LPCAT3: variants seen among roughly 807,000 people sequenced by gnomAD.
LPCAT3 encodes the protein lysophosphatidylcholine acyltransferase 3.
In LPCAT3, 21 loss-of-function variants were observed where a neutral mutation model predicts 63.4. That is an observed-to-expected ratio of 0.33 (90% CI 0.23 to 0.48). LPCAT3 has a LOEUF of 0.48. Ranked by LOEUF, LPCAT3 falls within the 20% of genes least tolerant of loss-of-function variation. The probability of loss-of-function intolerance (pLI) is 0.99; values close to 1 mark genes in which losing one functional copy is unlikely to be tolerated. For synonymous variants in LPCAT3, 242 were observed against 227.5 expected (o/e 1.06, Z -0.58); for missense variants, 451 against 590.6 (o/e 0.76, Z 2.45).
intron 1 of LPCAT3, among the ~76,000 whole-genome samples, chr12:7,009,007 C>A (rs1055582331): frequency 2.0e-5 from 3 of 152,134 alleles, no homozygotes; most frequent in Admixed American, 6.5e-5. Flanking sequence ...ATCTGTCAGG[C>A]CTACAAATGG....
At chr12:6,999,916 C>CTTTTTTTTTTTTTTTTTTTTTTTTTTTTT (rs782553121) in intron 1 of LPCAT3, among the ~76,000 whole-genome samples, 1 of 114,534 alleles carries the variant, frequency 8.7e-6, no homozygotes, top group African/African-American at 3.3e-5. Flanking sequence ...TACTTACATT[C>CTTTTTTTTTTTTTTTTTTTTTTTTTTTTT]TTTTTTTTTT....
chr12:6,983,589 C>G, intron 1 of LPCAT3, 50 bp from the exon 2 acceptor site: 1 of 1,250,206 alleles, frequency 8.0e-7, no homozygotes, highest in Non-Finnish European at 1.2e-6. Flanking sequence ...TGGTGCCATC[C>G]CAGTTTGGTT....
intron 6 of LPCAT3, 129 bp downstream of exon 6, chr12:6,980,875 C>T: frequency 1.2e-6 from 1 of 860,084 alleles, no homozygotes; most frequent in Non-Finnish European, 1.7e-6. Flanking sequence ...GTGCCTGTTA[C>T]AACAGTCCAG....
Position 7,017,784 on chromosome 12 carries a change from A to G in LPCAT3, c.151+490T>C, listed in dbSNP as rs1054004937. Among the ~76,000 whole-genome samples the G allele has an allele frequency of 1.3e-5, 2 of 152,262 alleles. No individual in the cohort carries two copies. Among genetic ancestry groups the G allele is most frequent in the East Asian group, 1.9e-4 (1 of 5,204 alleles). ...ACTGGGACAGAAAAGAGACGAAAGT[A>G]TAATATAAGCTGGCAATAAGCAAAA... On this transcript the variant is annotated intron_variant, in intron 1 of 12. Transcript: ENST00000261407. The surrounding 1 kb of genome is among the most constrained non-coding windows in gnomAD (Gnocchi z 4.1).
chr12:6,977,477 T>C lies in LPCAT3; in HGVS notation c.1237A>G (p.Ile413Val). 6.2e-7 allele frequency: 1 copy of C among 1,614,170 alleles called. No individual in the cohort carries two copies. Among genetic ancestry groups the C allele is most frequent in the Admixed American group, 1.7e-5 (1 of 60,024 alleles). The change falls in exon 11 of 13, where the codon ATT (isoleucine) becomes GTT (valine). Residue 413 changes from isoleucine (I) to valine (V), a missense_variant. Ile to Val is a conservative substitution (Grantham distance 29). Transcript: ENST00000261407. The surrounding 1 kb of genome is among the most constrained non-coding windows in gnomAD (Gnocchi z 4.5). The part of the protein sequence containing the change: ...ESPTLSKLAA[I>V]TVLQPFYYLV... ...TAGTAGAAGGGCTGGAGGACAGTAA[T>C]GGCGGCCAGCTTGCTCAGGGTGGGG...
chr12:7,003,572 C>T (rs1453062785), intron 1 of LPCAT3, among the ~76,000 whole-genome samples: 1 of 152,086 alleles, frequency 6.6e-6, no homozygotes, highest in Non-Finnish European at 1.5e-5. Flanking sequence ...GTTTCATAAG[C>T]CATTTTTCCC....
chr12:6,989,878 G>A (rs1365967706), intron 1 of LPCAT3, among the ~76,000 whole-genome samples: 1 of 152,122 alleles, frequency 6.6e-6, no homozygotes, highest in Non-Finnish European at 1.5e-5. Flanking sequence ...TTTCCATTAA[G>A]TCTGGTAAAT....
Position 6,987,020 on chromosome 12 carries a change from G to T in LPCAT3, c.152-3481C>A, listed in dbSNP as rs868988097. Among the ~76,000 whole-genome samples, 1 of 151,956 alleles carries T rather than the reference G, an allele frequency of 6.6e-6. No individual in the cohort carries two copies. The highest frequency in any genetic ancestry group is 6.6e-5 in the Admixed American group (1 of 15,236). ...CCCACCTACTTGGGAAGCTGAGGCA[G>T]GAGAATTGCTTGAACCCAGGAGGCG... On this transcript the variant is annotated intron_variant, in intron 1 of 12. Coordinates refer to ENST00000261407, the MANE Select transcript of LPCAT3 (RefSeq NM_005768.6). The surrounding 1 kb of genome is among the most constrained non-coding windows in gnomAD (Gnocchi z 4.1).
rs896934457 is a variant in LPCAT3 at position 6,987,261 on chromosome 12, A to C, written c.152-3722T>G. Among the ~76,000 whole-genome samples the C allele has an allele frequency of 1.3e-5, 2 of 152,238 alleles. No individual in the cohort carries two copies. The highest frequency in any genetic ancestry group is 2.9e-5 in the Non-Finnish European group (2 of 68,040). ...TCATGTATTCATTCACCAAGTGTTTAGTAAATGCCTGCTATATGCCAGGTA... is the reference window on the plus strand; with the variant it reads ...TCATGTATTCATTCACCAAGTGTTTCGTAAATGCCTGCTATATGCCAGGTA... On this transcript the variant is annotated intron_variant, in intron 1 of 12. Coordinates refer to ENST00000261407, the MANE Select transcript of LPCAT3 (RefSeq NM_005768.6). This position sits in a 1 kb window ranked among gnomAD's most constrained non-coding sequence, Gnocchi z 4.1.
chr12:6,989,118 A>G (rs1374411559), intron 1 of LPCAT3, among the ~76,000 whole-genome samples: 1 of 151,196 alleles, frequency 6.6e-6, no homozygotes, highest in African/African-American at 2.4e-5. Context: ...GCGAAACTCC[A>G]TCTCAAAAAA....
intron 1 of LPCAT3, among the ~76,000 whole-genome samples, chr12:7,013,516 G>T (rs1555157366): frequency 6.6e-6 from 1 of 152,172 alleles, no homozygotes; most frequent in Non-Finnish European, 1.5e-5. Flanking sequence ...ATAGTAGATG[G>T]ATCTGAGACA....
chr12:7,001,674 T>C (rs184782379), intron 1 of LPCAT3, among the ~76,000 whole-genome samples: 116 of 152,226 alleles, frequency 7.6e-4, no homozygotes, highest in Non-Finnish European at 2.9e-5. Context: ...AAACAAACTT[T>C]GAAGAGGAGA....
At chr12:6,983,155 T>C in intron 2 of LPCAT3, 1 of 471,134 alleles carries the variant, frequency 2.1e-6, no homozygotes, top group Non-Finnish European at 3.9e-6. Context: ...CTTGGCTCGG[T>C]CATTCAGTTA....
At chr12:7,007,343 G>A (rs112616684) in intron 1 of LPCAT3, among the ~76,000 whole-genome samples, 2,981 of 151,668 alleles carry the variant, frequency 0.02, 107 homozygotes, top group African/African-American at 0.069. Flanking sequence ...AAGCCACCGC[G>A]CCTGGCCAGC....
intron 3 of LPCAT3, among the ~76,000 whole-genome samples, chr12:6,982,350 T>C (rs1555154216): frequency 6.6e-6 from 1 of 152,178 alleles, no homozygotes; most frequent in Admixed American, 6.5e-5. Flanking sequence ...AGGCTTAGGT[T>C]CTTTAACTCA....
intron 3 of LPCAT3, 110 bp from the exon 4 acceptor site, chr12:6,982,014 C>T: frequency 4.5e-6 from 3 of 669,008 alleles, no homozygotes; most frequent in Non-Finnish European, 5.3e-6. Context: ...TCATTAAAAG[C>T]CTTAATAAAT....
rs1555153301 is a variant in LPCAT3 at position 6,977,101 on chromosome 12, G to A, written c.*12+33C>T. ...AGTCTGTTGCTCTATTCTGTAACCT[G>A]GTGGTAGTTTTAGTTTAGCTGTATT... On this transcript the variant is annotated intron_variant, in intron 12 of 12. Coordinates refer to ENST00000261407, the MANE Select transcript of LPCAT3 (RefSeq NM_005768.6). The surrounding 1 kb of genome is among the most constrained non-coding windows in gnomAD (Gnocchi z 4.5). The A allele has an allele frequency of 5.5e-6, 7 of 1,264,966 alleles. No individual in the cohort carries two copies. Among genetic ancestry groups the A allele is most frequent in the Non-Finnish European group, 8.1e-6 (7 of 863,304 alleles). The allele number at this position is 1,264,966 out of a possible 1,614,324, so 78.4% of individuals were successfully genotyped here. A position where few individuals can be genotyped will look rare whatever the true frequency, so the allele number is the denominator to read the frequency against.
At chr12:6,992,800 G>A (rs782520415) in intron 1 of LPCAT3, among the ~76,000 whole-genome samples, 4 of 151,992 alleles carry the variant, frequency 2.6e-5, no homozygotes, top group Non-Finnish European at 5.9e-5. Context: ...ATGAAGGATT[G>A]GTTCTAGTAC....
intron 1 of LPCAT3, among the ~76,000 whole-genome samples, chr12:6,990,563 A>AAATAAATT (rs71067154): frequency 7.4e-6 from 1 of 136,000 alleles, no homozygotes; most frequent in Non-Finnish European, 1.6e-5. Context: ...ATAAATAAAT[A>AAATAAATT]AATTGAGCAC....
Sources: allele counts gnomAD v4.1 joint callset (sites outside exome capture counted in the v4.1 genomes callset), GRCh38; gene constraint gnomAD v4.1.1; non-coding constraint Gnocchi (gnomAD v3.1); transcripts MANE v1.5; gene names NCBI Gene and HGNC (gene_info 2026-07-23, HGNC 2026-07-21).